GPC6: variants seen among roughly 807,000 people sequenced by gnomAD.
The protein encoded by GPC6 is glypican 6.
In GPC6, 14 loss-of-function variants were observed where a neutral mutation model predicts 55.2. The ratio of observed to expected loss-of-function variants is 0.25; its 90% CI spans 0.17 to 0.40. The LOEUF (loss-of-function observed/expected upper bound fraction) is 0.40. Ranked by LOEUF, GPC6 falls within the 10% of genes least tolerant of loss-of-function variation. The probability of loss-of-function intolerance (pLI) is 1.00; values close to 1 mark genes in which losing one functional copy is unlikely to be tolerated. For synonymous variants in GPC6, 278 were observed against 259.6 expected (o/e 1.07, Z -0.68); for missense variants, 641 against 708.5 (o/e 0.90, Z 1.08).
At chr13:93,341,921 C>CT (rs1228081773) in intron 1 of GPC6, among the ~76,000 whole-genome samples, 113 of 137,046 alleles carry the variant, frequency 8.2e-4, no homozygotes, top group Admixed American at 9.4e-4. Context: ...TTTTTTCTTT[C>CT]TTTTTTTTTT....
intron 3 of GPC6, among the ~76,000 whole-genome samples, chr13:93,843,445 G>A (rs1221768275): frequency 6.6e-6 from 1 of 152,100 alleles, no homozygotes; most frequent in Non-Finnish European, 1.5e-5. Flanking sequence ...ATAAAGGGGA[G>A]ATAAGGAATG....
intron 1 of GPC6, among the ~76,000 whole-genome samples, chr13:93,229,418 ATAGT>A (rs1297664097): frequency 2.6e-5 from 4 of 152,342 alleles, no homozygotes; most frequent in African/African-American, 7.2e-5. Context: ...AAAGAAGAAA[ATAGT>A]TAGGTATTTT....
At chr13:93,391,550 T>C (rs971769248) in intron 1 of GPC6, among the ~76,000 whole-genome samples, 7 of 152,204 alleles carry the variant, frequency 4.6e-5, no homozygotes, top group African/African-American at 1.7e-4. Context: ...AGGTTTTTAA[T>C]TTGATCCTTT....
chr13:93,363,076 T>A (rs564482772), intron 1 of GPC6, among the ~76,000 whole-genome samples: 25 of 151,944 alleles, frequency 1.6e-4, no homozygotes, highest in Non-Finnish European at 2.6e-4. Context: ...CTAAATAATG[T>A]CAGTAGGTTT....
intron 1 of GPC6, among the ~76,000 whole-genome samples, chr13:93,316,589 A>G (rs1879257744): frequency 6.6e-6 from 1 of 152,146 alleles, no homozygotes; most frequent in Non-Finnish European, 1.5e-5. Flanking sequence ...ATTGGAAAAC[A>G]GCAGCTTTTA....
At chr13:93,636,010 T>C (rs888180154) in intron 2 of GPC6, among the ~76,000 whole-genome samples, 38 of 151,962 alleles carry the variant, frequency 2.5e-4, no homozygotes, top group African/African-American at 7.0e-4. Context: ...CATTGCATAA[T>C]TCTAACACCC....
intron 3 of GPC6, among the ~76,000 whole-genome samples, chr13:93,920,105 T>A (rs1364851632): frequency 6.6e-6 from 1 of 152,156 alleles, no homozygotes; most frequent in Non-Finnish European, 1.5e-5. Context: ...GACCTTCCCT[T>A]AGCCTTTGTC....
chr13:94,199,701 A>T (rs1197525099), intron 4 of GPC6, among the ~76,000 whole-genome samples: 1 of 152,200 alleles, frequency 6.6e-6, no homozygotes, highest in Non-Finnish European at 1.5e-5. Flanking sequence ...AAGTATTCTG[A>T]ACAGTGCTTG....
intron 2 of GPC6, among the ~76,000 whole-genome samples, chr13:93,667,248 T>A (rs1451382529): frequency 6.6e-6 from 1 of 152,132 alleles, no homozygotes; most frequent in African/African-American, 2.4e-5. Context: ...TAAAATTTTT[T>A]TCAGAAGCCA....
At chr13:94,374,251 T>C (rs1594217764) in intron 6 of GPC6, among the ~76,000 whole-genome samples, 1 of 151,216 alleles carries the variant, frequency 6.6e-6, no homozygotes, top group South Asian at 2.1e-4. Flanking sequence ...AATGCTCCAA[T>C]TAAAAGACAC....
chr13:94,322,675 A>G (rs867194265), intron 6 of GPC6, among the ~76,000 whole-genome samples: 66 of 152,294 alleles, frequency 4.3e-4, no homozygotes, highest in African/African-American at 1.3e-3. Flanking sequence ...CAAAAATAAT[A>G]TGTGCATTCT....
chr13:94,378,386 A>T (rs926141885), intron 6 of GPC6, among the ~76,000 whole-genome samples: 1 of 152,152 alleles, frequency 6.6e-6, no homozygotes, highest in Non-Finnish European at 1.5e-5. Flanking sequence ...ACAGAAGAGT[A>T]CTTAGATAGT....
intron 4 of GPC6, among the ~76,000 whole-genome samples, chr13:94,269,306 T>G (rs954344367): frequency 6.6e-6 from 1 of 152,180 alleles, no homozygotes; most frequent in African/African-American, 2.4e-5. Context: ...GATAATGCTG[T>G]CCCCATGGTT....
chr13:93,821,448 GA>G (rs1236717293), intron 2 of GPC6, among the ~76,000 whole-genome samples: 1 of 152,156 alleles, frequency 6.6e-6, no homozygotes, highest in Non-Finnish European at 1.5e-5. Context: ...TTCAGTACTA[GA>G]AGCATTGTCC....
chr13:93,769,717 G>A (rs1039476203), intron 2 of GPC6, among the ~76,000 whole-genome samples: 2 of 152,162 alleles, frequency 1.3e-5, no homozygotes, highest in Non-Finnish European at 2.9e-5. Flanking sequence ...AACCAGATGG[G>A]AATTAAGTGG....
chr13:94,317,283 A>G (rs1038641546), intron 6 of GPC6, among the ~76,000 whole-genome samples: 1 of 152,218 alleles, frequency 6.6e-6, no homozygotes, highest in Non-Finnish European at 1.5e-5. Context: ...AGGGATTTTG[A>G]CCTCAGAAAA....
chr13:93,833,099 G>A (rs2389051), intron 3 of GPC6, among the ~76,000 whole-genome samples: 93,206 of 138,244 alleles, frequency 0.67, 31,029 homozygotes, highest in East Asian at 0.81. Context: ...GGGTAGATAG[G>A]TAGATGATAG....
intron 1 of GPC6, among the ~76,000 whole-genome samples, chr13:93,504,471 A>T (rs983060438): frequency 1.4e-5 from 2 of 142,084 alleles, no homozygotes; most frequent in African/African-American, 5.4e-5. Flanking sequence ...TATAAAAATA[A>T]AAACAACATA....
chr13:93,227,220 A>G lies in GPC6; in HGVS notation c.-237A>G, dbSNP rs1298853403. On this transcript the variant is annotated 5_prime_UTR_variant, in exon 1 of 9. Coordinates refer to ENST00000377047, the MANE Select transcript of GPC6 (RefSeq NM_005708.5). This position sits in a 1 kb window ranked among gnomAD's most constrained non-coding sequence, Gnocchi z 4.3. ...GTTTCCATCTGGGGGCTAGAGGAGCAAGGCAGCAGCCTTCCCAGCCAGCCC... is the reference window on the plus strand; with the variant it reads ...GTTTCCATCTGGGGGCTAGAGGAGCGAGGCAGCAGCCTTCCCAGCCAGCCC... 1 of 462,668 alleles carries G rather than the reference A, an allele frequency of 2.2e-6. No homozygotes were observed. Among genetic ancestry groups the G allele is most frequent in the Non-Finnish European group, 3.9e-6 (1 of 259,082 alleles). The allele number at this position is 462,668 out of a possible 1,614,324, so 28.7% of individuals were successfully genotyped here. A position where few individuals can be genotyped will look rare whatever the true frequency, so the allele number is the denominator to read the frequency against.
Sources: allele counts gnomAD v4.1 joint callset (sites outside exome capture counted in the v4.1 genomes callset), GRCh38; gene constraint gnomAD v4.1.1; non-coding constraint Gnocchi (gnomAD v3.1); transcripts MANE v1.5; gene names NCBI Gene and HGNC (gene_info 2026-07-23, HGNC 2026-07-21).